The following PXDN variants were observed in gnomAD, a reference collection of about 807,000 sequenced individuals.
PXDN encodes the protein peroxidasin.
PXDN carries 77 observed loss-of-function variants against 140.3 expected under a neutral mutation model. The ratio of observed to expected loss-of-function variants is 0.55; its 90% CI spans 0.46 to 0.66. The LOEUF (loss-of-function observed/expected upper bound fraction) is 0.66, where lower values mean the gene tolerates loss of function less well. Ranked by LOEUF, PXDN falls within the 30% of genes least tolerant of loss-of-function variation. PXDN has a pLI of 0.00. For synonymous variants in PXDN, 911 were observed against 857.4 expected (o/e 1.06, Z -1.09); for missense variants, 1,838 against 2,039.5 (o/e 0.90, Z 1.90).
intron 1 of PXDN, among the ~76,000 whole-genome samples, chr2:1,702,904 A>G (rs1303983957): frequency 6.6e-6 from 1 of 151,718 alleles, no homozygotes; most frequent in Non-Finnish European, 1.5e-5. Context: ...TTGGTTTTAT[A>G]CATTTTAGGG....
rs756158113 is a variant in PXDN, at chr2:1,648,942, C to T, written c.2838G>A (p.Lys946=). ...LRQGIVQRSG[K]PLLPFATGPP... ...GCCCGGTGGCGAAGGGGAGCAGCGG[C>T]TTCCCGGACCGCTGCACGATGCCCT... Residue 946 remains lysine (K), a synonymous_variant, in exon 17 of 23, where the codon AAG becomes AAA. Transcript: ENST00000252804. This position sits in a 1 kb window ranked among gnomAD's most constrained non-coding sequence, Gnocchi z 8.9. The T allele has an allele frequency of 9.4e-6, 15 of 1,603,294 alleles. No individual in the cohort carries two copies. The East Asian group carries it at 3.4e-4, about 36-fold the overall frequency.
intron 12 of PXDN, among the ~76,000 whole-genome samples, chr2:1,662,641 G>C (rs868759949): frequency 2.0e-5 from 3 of 152,216 alleles, no homozygotes; most frequent in South Asian, 2.1e-4. Flanking sequence ...GAGCGTGGCT[G>C]AGTGCTGGGA....
At chr2:1,739,349 G>T (rs1036221311) in intron 1 of PXDN, among the ~76,000 whole-genome samples, 1 of 152,064 alleles carries the variant, frequency 6.6e-6, no homozygotes, top group Non-Finnish European at 1.5e-5. Context: ...GGGAGAAAAC[G>T]ATAGAATATC....
intron 15 of PXDN, 83 bp from the exon 16 acceptor site, chr2:1,653,868 T>C: frequency 7.3e-7 from 1 of 1,374,922 alleles, no homozygotes; most frequent in Non-Finnish European, 9.9e-7. Flanking sequence ...ATATAATCAT[T>C]GCTATTAATA....
At position 1,646,829 on chromosome 2, in the gene PXDN, A is replaced by T. The variant is rs533343617; in HGVS notation, c.3608+1343T>A. On this transcript the variant is annotated intron_variant, in intron 17 of 22. Transcript: ENST00000252804. ...TCTCCTAATACACAGTGACCTGTGA[A>T]TCTGATTCATAATCCAAGGACTGAG... is the stretch of plus-strand genomic sequence containing the variant. Among the ~76,000 whole-genome samples the T allele has an allele frequency of 5.3e-5, 8 of 152,372 alleles. No individual in the cohort carries two copies. In the East Asian group the frequency reaches 9.6e-4, roughly 18 times the overall value.
Position 1,639,179 on chromosome 2 carries a change from C to G in PXDN, c.4073+123G>C. On this transcript the variant is annotated intron_variant, in intron 20 of 22. Coordinates refer to ENST00000252804, the MANE Select transcript of PXDN (RefSeq NM_012293.3). The surrounding 1 kb of genome is among the most constrained non-coding windows in gnomAD (Gnocchi z 5.0). ...AGGCTGCGGCCTGGCCCCCAGTGCCCTGGGACGTCCCTGCCAGGAACCATC... is the reference window on the plus strand; with the variant it reads ...AGGCTGCGGCCTGGCCCCCAGTGCCGTGGGACGTCCCTGCCAGGAACCATC... 1 of 1,501,766 alleles carries G rather than the reference C, an allele frequency of 6.7e-7. No individual in the cohort carries two copies. Among genetic ancestry groups the G allele is most frequent in the African/African-American group, 1.4e-5 (1 of 72,186 alleles). 93.0% of individuals were successfully genotyped at this position (1,501,766 alleles called of 1,614,324 possible). A position where few individuals can be genotyped will look rare whatever the true frequency, so the allele number is the denominator to read the frequency against.
At position 1,725,654 on chromosome 2, in the gene PXDN, G is replaced by C. The variant is rs180770063; in HGVS notation, c.200+18602C>G. Among the ~76,000 whole-genome samples, 18 of 152,234 alleles carry C rather than the reference G, an allele frequency of 1.2e-4. No individual in the cohort carries two copies. In the East Asian group the frequency reaches 3.1e-3, roughly 26 times the overall value. On this transcript the variant is annotated intron_variant, in intron 1 of 22. Transcript: ENST00000252804. ...AGTGAACAGGCAACCTACAGAATGG[G>C]AGAAAATTTTCGCGACCTACTCTTC...
In PXDN at chr2:1,703,330, G is replaced by A. The variant is rs150642532; in HGVS notation, c.201-10196C>T. ...GTGAAGGGGGGCAACTCCAGGTGAA[G>A]GGAGGGCAACTCCAGGTGAAGGGGG... On this transcript the variant is annotated intron_variant, in intron 1 of 22. Transcript: ENST00000252804. 0.017 allele frequency among the ~76,000 whole-genome samples: 172 copies of A among 10,336 alleles called. 38 individuals carry two copies. The East Asian group carries it at 0.31, about 19-fold the overall frequency. The allele number at this position is 10,336 out of a possible 152,430, so 6.8% of individuals were successfully genotyped here.
rs114694213 is a variant in PXDN at position 1,685,073 on chromosome 2, C to G, written c.417-922G>C. Among the ~76,000 whole-genome samples the G allele has an allele frequency of 0.019, 2,918 of 152,344 alleles. 51 individuals carry two copies. The highest frequency in any genetic ancestry group is 0.046 in the Admixed American group (708 of 15,306). ...CAGAACGCACGCCTGAGAATCAGGT[C>G]TGTGGACATCCTGAGATCACCGTCA... On this transcript the variant is annotated intron_variant, in intron 4 of 22. Transcript: ENST00000252804. This position sits in a 1 kb window ranked among gnomAD's most constrained non-coding sequence, Gnocchi z 5.1.
intron 1 of PXDN, among the ~76,000 whole-genome samples, chr2:1,710,459 C>T (rs1245807318): frequency 6.6e-6 from 1 of 152,008 alleles, no homozygotes; most frequent in East Asian, 1.9e-4. Flanking sequence ...GATGAGCACC[C>T]GTTCCACCAG....
chr2:1,679,087 C>CGT (rs1553363338), intron 7 of PXDN, among the ~76,000 whole-genome samples: 2 of 110,754 alleles, frequency 1.8e-5, no homozygotes, highest in Admixed American at 1.0e-4. Flanking sequence ...TATGTGCATG[C>CGT]ATGTGTGTGT....
chr2:1,690,679 TAAAC>T (rs1003560604), intron 3 of PXDN, among the ~76,000 whole-genome samples: 6 of 98,152 alleles, frequency 6.1e-5, no homozygotes, highest in African/African-American at 2.0e-4. Context: ...AAAGGGTAAA[TAAAC>T]AAATAAAAGG....
intron 8 of PXDN, among the ~76,000 whole-genome samples, chr2:1,675,360 T>C (rs1683675418): frequency 6.6e-6 from 1 of 152,188 alleles, no homozygotes. Flanking sequence ...GCATCAATTT[T>C]TTCGTATATA....
At chr2:1,663,209 C>G (rs1683346808) in intron 12 of PXDN, among the ~76,000 whole-genome samples, 1 of 152,160 alleles carries the variant, frequency 6.6e-6, no homozygotes, top group Admixed American at 6.5e-5. Context: ...GATACATCAT[C>G]TGGGGTCTGT....
At chr2:1,640,488 T>C (rs1356040583) in intron 19 of PXDN, among the ~76,000 whole-genome samples, 2 of 152,260 alleles carry the variant, frequency 1.3e-5, no homozygotes, top group African/African-American at 2.4e-5. Context: ...GGAAAGAGTA[T>C]CTTCAAGACA....
chr2:1,676,557 G>C, intron 8 of PXDN: 1 of 279,332 alleles, frequency 3.6e-6, no homozygotes, highest in Non-Finnish European at 7.0e-6. Context: ...CAATGCCCCA[G>C]GTCAAGGCTG....
intron 4 of PXDN, 67 bp from the exon 5 acceptor site, chr2:1,684,218 A>C (rs1683992695): frequency 7.1e-7 from 1 of 1,401,110 alleles, no homozygotes; most frequent in Admixed American, 2.0e-5. Flanking sequence ...ATTTTTGCCC[A>C]AATTTTTTTC....
intron 1 of PXDN, among the ~76,000 whole-genome samples, chr2:1,719,906 GA>G: frequency 1.2e-5 from 1 of 81,048 alleles, no homozygotes. Context: ...TTCAGAGAGA[GA>G]GGGAGGGAGG....
At chr2:1,744,517 C>CCCG (rs1333777468), upstream of PXDN, 2 of 1,291,916 alleles carry the variant, frequency 1.5e-6, no homozygotes, top group African/African-American at 3.1e-5. Context: ...CCCGACTGCG[C>CCCG]CCGCCCGGCC....
Sources: gnomAD v4.1 joint callset for allele counts (sites outside exome capture counted in the v4.1 genomes callset) on GRCh38, gnomAD v4.1.1 for gene constraint, Gnocchi (gnomAD v3.1) non-coding constraint, MANE v1.5 for transcripts, NCBI Gene and HGNC (gene_info 2026-07-23, HGNC 2026-07-21) for gene names.